RABEP1: variants seen among roughly 807,000 people sequenced by gnomAD.
The protein encoded by RABEP1 is rabaptin, RAB GTPase binding effector protein 1, also known as rab GTPase-binding effector protein 1.
RABEP1 carries 51 observed loss-of-function variants against 123.4 expected under a neutral mutation model. The ratio of observed to expected loss-of-function variants is 0.41; its 90% CI spans 0.33 to 0.52. RABEP1 has a LOEUF of 0.52. Among genes scored for constraint, RABEP1 ranks in the 20% least tolerant of loss-of-function variants. The pLI is 0.16. For synonymous variants in RABEP1, 347 were observed against 355.2 expected (o/e 0.98, Z 0.26); for missense variants, 888 against 996.3 (o/e 0.89, Z 1.46).
At position 5,346,907 on chromosome 17, in the gene RABEP1, C is replaced by T. The variant is rs781071037; in HGVS notation, c.766C>T (p.Arg256Trp). Residue 256 changes from arginine to tryptophan, a missense_variant, in exon 6 of 18, where the codon CGG becomes TGG. By Grantham distance (101) the Arg-to-Trp change is moderately radical. Coordinates refer to ENST00000537505, the MANE Select transcript of RABEP1 (RefSeq NM_004703.6). ...TCTACAGGAAGATGCTGAGAAACTG[C>T]GGAAAGAATTGCATGAAGGTAAATA... Reference protein sequence around the residue: ...SVLQEDAEKLRKELHEVCHLL... With the variant: ...SVLQEDAEKLWKELHEVCHLL... The T allele has an allele frequency of 2.5e-6, 4 of 1,601,428 alleles. No individual in the cohort carries two copies. The highest frequency in any genetic ancestry group is 2.2e-5 in the South Asian group (2 of 88,890).
intron 1 of RABEP1, among the ~76,000 whole-genome samples, chr17:5,289,496 A>G (rs2144445372): frequency 7.2e-6 from 1 of 138,050 alleles, no homozygotes; most frequent in Middle Eastern, 3.9e-3. Context: ...TCTCATGTTT[A>G]TTTAAAGAGA....
At chr17:5,365,596 A>C (rs1313465601) in intron 11 of RABEP1, among the ~76,000 whole-genome samples, 1 of 152,100 alleles carries the variant, frequency 6.6e-6, no homozygotes, top group Non-Finnish European at 1.5e-5. Context: ...ATACAGATAC[A>C]CCAAACATAC....
intron 2 of RABEP1, among the ~76,000 whole-genome samples, chr17:5,317,758 A>G (rs1214368295): frequency 6.6e-6 from 1 of 152,162 alleles, no homozygotes; most frequent in Non-Finnish European, 1.5e-5. Context: ...AGGTAATTTC[A>G]GGATAGGGGA....
At chr17:5,322,356 CAAAAG>C (rs775779724) in intron 2 of RABEP1, among the ~76,000 whole-genome samples, 1 of 145,738 alleles carries the variant, frequency 6.9e-6, no homozygotes, top group African/African-American at 2.6e-5. Flanking sequence ...GAAACTGTCT[CAAAAG>C]AAAAAAAAGA....
At position 5,361,436 on chromosome 17, in the gene RABEP1, C is replaced by T. The variant is rs199932695; in HGVS notation, c.1324C>T (p.Leu442=). The change falls in exon 9 of 18, where the codon CTG becomes TTG. Residue 442 remains leucine (L), a synonymous_variant. Coordinates refer to ENST00000537505, the MANE Select transcript of RABEP1 (RefSeq NM_004703.6). The part of the protein sequence containing the change: ...GNLDESDFGP[L]VGADSVSENF... ...CCTGGACGAGTCAGATTTTGGACCA[C>T]TGGTAGGAGCAGATTCAGTGTCTGA... 1.4e-5 allele frequency: 22 copies of T among 1,614,194 alleles called. No individual in the cohort carries two copies. The highest frequency in any genetic ancestry group is 1.7e-5 in the Non-Finnish European group (20 of 1,180,034).
chr17:5,282,483 G>A lies in RABEP1; in HGVS notation c.-4G>A. On this transcript the variant is annotated 5_prime_UTR_variant, in exon 1 of 18. Transcript: ENST00000537505. ...CCCCGCTCCCCGAGGCCGGCCGCCT[G>A]GTCATGGCGCAGCCGGGCCCGGCTT... is the stretch of plus-strand genomic sequence containing the variant. The A allele has an allele frequency of 7.5e-7, 1 of 1,327,370 alleles. No individual in the cohort carries two copies. Among genetic ancestry groups the A allele is most frequent in the Non-Finnish European group, 9.7e-7 (1 of 1,035,256 alleles). 82.2% of individuals were successfully genotyped at this position (1,327,370 alleles called of 1,614,324 possible). A position where few individuals can be genotyped will look rare whatever the true frequency, so the allele number is the denominator to read the frequency against.
intron 7 of RABEP1, among the ~76,000 whole-genome samples, chr17:5,353,404 T>C (rs907654016): frequency 6.6e-6 from 1 of 152,240 alleles, no homozygotes; most frequent in Admixed American, 6.5e-5. Context: ...TTGTAATTGT[T>C]TGTCTCTCCT....
In RABEP1 at chr17:5,300,441, A is replaced by G. The variant is rs534458795; in HGVS notation, c.35-8253A>G. 3.3e-5 allele frequency among the ~76,000 whole-genome samples: 5 copies of G among 152,170 alleles called. No homozygotes were observed. In the South Asian group the frequency reaches 1.0e-3, roughly 32 times the overall value. On this transcript the variant is annotated intron_variant, in intron 1 of 17. Coordinates refer to ENST00000537505, the MANE Select transcript of RABEP1 (RefSeq NM_004703.6). ...TTTGTGTCACATCAAGGTTACATAC[A>G]TGGCTTATCAGTGATGTGTAGCCTT...
rs533891213 is a variant in RABEP1, at chr17:5,385,578, T to C, written c.*2355T>C. On this transcript the variant is annotated 3_prime_UTR_variant, in exon 18 of 18. Coordinates refer to ENST00000537505, the MANE Select transcript of RABEP1 (RefSeq NM_004703.6). ...AACCTATTTTTTTCTCCCTTTAAGG[T>C]GCTAAACTTGCACCTCATGTCCACT... is the stretch of plus-strand genomic sequence containing the variant. 4.3e-6 allele frequency: 1 copy of C among 230,926 alleles called. No individual in the cohort carries two copies. The highest frequency in any genetic ancestry group is 5.7e-5 in the Admixed American group (1 of 17,690). The allele number at this position is 230,926 out of a possible 1,614,324, so 14.3% of individuals were successfully genotyped here.
At chr17:5,335,820 T>C (rs1464266785) in intron 4 of RABEP1, among the ~76,000 whole-genome samples, 1 of 152,216 alleles carries the variant, frequency 6.6e-6, no homozygotes, top group Non-Finnish European at 1.5e-5. Context: ...TTGTTTTTTA[T>C]TTGTATATCC....
chr17:5,367,521 G>A lies in RABEP1; in HGVS notation c.1786-849G>A, dbSNP rs978383205. On this transcript the variant is annotated intron_variant, in intron 11 of 17. Transcript: ENST00000537505. ...CCTGACTTTGTGATCCATCCGCCTC[G>A]GCCTCCCAAAGTGCTAGGATTACAG... Among the ~76,000 whole-genome samples the A allele has an allele frequency of 1.2e-4, 18 of 151,130 alleles. 1 individual carries two copies. Among genetic ancestry groups the A allele is most frequent in the Non-Finnish European group, 2.1e-4 (14 of 67,746 alleles).
intron 1 of RABEP1, among the ~76,000 whole-genome samples, chr17:5,287,088 G>A (rs556984587): frequency 1.1e-4 from 17 of 152,284 alleles, no homozygotes; most frequent in Admixed American, 5.9e-4. Flanking sequence ...ATGATGTTAC[G>A]GGGCCTGGGG....
intron 5 of RABEP1, among the ~76,000 whole-genome samples, chr17:5,342,242 G>GA (rs1191831239): frequency 6.6e-6 from 1 of 152,014 alleles, no homozygotes; most frequent in Non-Finnish European, 1.5e-5. Flanking sequence ...AAAAGAAAAA[G>GA]AAAAACTAGT....
At chr17:5,323,757 G>T in intron 2 of RABEP1, among the ~76,000 whole-genome samples, 1 of 84,408 alleles carries the variant, frequency 1.2e-5, no homozygotes, top group African/African-American at 5.3e-5. Flanking sequence ...TATATATCTA[G>T]GAATATATAT....
chr17:5,344,917 C>T (rs1241162509), intron 5 of RABEP1, among the ~76,000 whole-genome samples: 3 of 151,432 alleles, frequency 2.0e-5, no homozygotes, highest in South Asian at 2.1e-4. Context: ...AAGCTGAGAT[C>T]GCGGCACCAC....
intron 1 of RABEP1, among the ~76,000 whole-genome samples, chr17:5,302,820 G>T (rs1337418255): frequency 2.0e-5 from 3 of 152,042 alleles, no homozygotes; most frequent in Non-Finnish European, 4.4e-5. Context: ...GAGCCACTGG[G>T]CCTGGCTAGG....
chr17:5,295,664 A>G (rs866338808), intron 1 of RABEP1, among the ~76,000 whole-genome samples: 3 of 152,266 alleles, frequency 2.0e-5, no homozygotes, highest in African/African-American at 7.2e-5. Flanking sequence ...GTCATTAGGA[A>G]TAACTGTCTG....
rs546632728 is a variant in RABEP1, at chr17:5,292,450, C to T, written c.34+9930C>T. Among the ~76,000 whole-genome samples, 6 of 151,980 alleles carry T rather than the reference C, an allele frequency of 3.9e-5. No individual in the cohort carries two copies. The South Asian group carries it at 8.3e-4, about 21-fold the overall frequency. On this transcript the variant is annotated intron_variant, in intron 1 of 17. Transcript: ENST00000537505. Reference sequence around the variant, plus strand: ...GTTACCAGGCTGTAGTGCAGTGGCGCGATCTTGGCTCACTGCTACCTCCAC... The same window carrying T: ...GTTACCAGGCTGTAGTGCAGTGGCGTGATCTTGGCTCACTGCTACCTCCAC...
chr17:5,290,654 G>A (rs985597498), intron 1 of RABEP1, among the ~76,000 whole-genome samples: 3 of 151,918 alleles, frequency 2.0e-5, no homozygotes, highest in Non-Finnish European at 2.9e-5. Context: ...ATGCAGTGCC[G>A]CTATCTTAGC....
Sources: gnomAD v4.1 joint callset for allele counts (sites outside exome capture counted in the v4.1 genomes callset) on GRCh38, gnomAD v4.1.1 for gene constraint, MANE v1.5 for transcripts, NCBI Gene and HGNC (gene_info 2026-07-23, HGNC 2026-07-21) for gene names.